Variants in PLCB1 observed in about 807,000 individuals in gnomAD.
The protein encoded by PLCB1 is 1-phosphatidylinositol 4,5-bisphosphate phosphodiesterase beta-1.
PLCB1 carries 46 observed loss-of-function variants against 161.8 expected under a neutral mutation model. The observed-to-expected ratio is 0.28, with a 90% CI of 0.22 to 0.36. PLCB1 has a LOEUF of 0.36. Among genes scored for constraint, PLCB1 ranks in the 10% least tolerant of loss-of-function variants. PLCB1 has a pLI of 1.00. For synonymous variants in PLCB1, 517 were observed against 503.7 expected (o/e 1.03, Z -0.35); for missense variants, 1,016 against 1,472.5 (o/e 0.69, Z 5.07).
chr20:8,763,197 A>T (rs1430414807), intron 25 of PLCB1, among the ~76,000 whole-genome samples: 1 of 152,172 alleles, frequency 6.6e-6, no homozygotes, highest in Non-Finnish European at 1.5e-5. Flanking sequence ...TCAGTAAAAT[A>T]CAGATTAGTT....
intron 2 of PLCB1, among the ~76,000 whole-genome samples, chr20:8,332,726 C>G (rs1288543584): frequency 6.6e-6 from 1 of 152,196 alleles, no homozygotes; most frequent in African/African-American, 2.4e-5. Flanking sequence ...ATGGTGCTCC[C>G]TACCTGGCTT....
At position 8,138,415 on chromosome 20, in the gene PLCB1, G is replaced by C. The variant is rs1258674945; in HGVS notation, c.99+5665G>C. ...AATGGAAGGGGATTGCTGGTGAATT[G>C]TTGACTAACGCTATGGGTCTCCACT... is the stretch of plus-strand genomic sequence containing the variant. On this transcript the variant is annotated intron_variant, in intron 1 of 31. Coordinates refer to ENST00000338037, the MANE Select transcript of PLCB1 (RefSeq NM_015192.4). Among the ~76,000 whole-genome samples, 7 of 152,306 alleles carry C rather than the reference G, an allele frequency of 4.6e-5. No homozygotes were observed. The East Asian group carries it at 9.6e-4, about 21-fold the overall frequency.
rs769156063 is a variant in PLCB1 at position 8,257,729 on chromosome 20, G to A, written c.177+107358G>A. On this transcript the variant is annotated intron_variant, in intron 2 of 31. Transcript: ENST00000338037. ...AACTCTCACTGTCAACACTACAGTT[G>A]GTTTCTATTCCAACCTTCATGAATT... Among the ~76,000 whole-genome samples, 140 of 152,082 alleles carry A rather than the reference G, an allele frequency of 9.2e-4. 1 individual carries two copies. Among genetic ancestry groups the A allele is most frequent in the Non-Finnish European group, 1.2e-3 (82 of 68,010 alleles).
At chr20:8,660,697 G>A (rs1600232275) in intron 9 of PLCB1, among the ~76,000 whole-genome samples, 1 of 152,218 alleles carries the variant, frequency 6.6e-6, no homozygotes, top group African/African-American at 2.4e-5. Context: ...CCTAGCATTT[G>A]CAAAATTATT....
intron 3 of PLCB1, among the ~76,000 whole-genome samples, chr20:8,475,681 A>G (rs909019135): frequency 2.0e-5 from 3 of 152,194 alleles, no homozygotes; most frequent in Non-Finnish European, 4.4e-5. Context: ...TTCACTTCAC[A>G]TGGACTATTT....
chr20:8,515,228 T>A (rs976044077), intron 3 of PLCB1, among the ~76,000 whole-genome samples: 8 of 152,256 alleles, frequency 5.3e-5, no homozygotes, highest in Non-Finnish European at 1.0e-4. Flanking sequence ...CTGGCTATAA[T>A]AGCCCTTCAA....
intron 31 of PLCB1, chr20:8,802,214 G>T: frequency 2.0e-6 from 2 of 1,022,814 alleles, no homozygotes; most frequent in East Asian, 2.4e-5. Context: ...GAGAAGGGTG[G>T]TGTGTAGCCA....
intron 12 of PLCB1, chr20:8,716,018 C>T (rs1300568368): frequency 1.8e-5 from 8 of 436,024 alleles, no homozygotes; most frequent in African/African-American, 3.9e-5. Flanking sequence ...CATGCTGTCC[C>T]CTCCACCTAT....
At chr20:8,577,003 T>C (rs1380342349) in intron 3 of PLCB1, among the ~76,000 whole-genome samples, 1 of 151,876 alleles carries the variant, frequency 6.6e-6, no homozygotes, top group East Asian at 1.9e-4. Flanking sequence ...AGCCAGGTCA[T>C]GAAAAGGGAG....
At chr20:8,240,093 C>T (rs1028487759) in intron 2 of PLCB1, among the ~76,000 whole-genome samples, 6 of 151,754 alleles carry the variant, frequency 4.0e-5, no homozygotes, top group African/African-American at 1.5e-4. Context: ...ATTACTTAGA[C>T]TATGCCTCTG....
In PLCB1 at chr20:8,254,590, A is replaced by G. The variant is rs530360896; in HGVS notation, c.177+104219A>G. Among the ~76,000 whole-genome samples the G allele has an allele frequency of 2.0e-5, 3 of 152,090 alleles. No homozygotes were observed. The East Asian group carries it at 5.8e-4, about 30-fold the overall frequency. ...AAGAAAAAAAAAGGCTTTTCTTCAT[A>G]TAAAGGCTTATGTAATATACAGGCT... On this transcript the variant is annotated intron_variant, in intron 2 of 31. Transcript: ENST00000338037.
At position 8,817,224 on chromosome 20, in the gene PLCB1, G is replaced by A. The variant is rs377592857; in HGVS notation, c.3423+26963G>A. On this transcript the variant is annotated intron_variant, in intron 31 of 31. Transcript: ENST00000338037. The stretch of plus-strand genomic sequence containing the variant: ...TTAAAATATGTTTAAATGCATCAAT[G>A]AATGGGAAAAAAGTAGAGAACGCTC... Among the ~76,000 whole-genome samples the A allele has an allele frequency of 9.3e-4, 141 of 152,276 alleles. 1 individual carries two copies. The highest frequency in any genetic ancestry group is 3.2e-3 in the African/African-American group (133 of 41,574).
chr20:8,792,235 G>C (rs569409584), intron 31 of PLCB1: 103 of 180,332 alleles, frequency 5.7e-4, no homozygotes, highest in Non-Finnish European at 1.1e-3. Flanking sequence ...CCTCTAGCTG[G>C]TGTTTCCTCA....
At chr20:8,797,145 C>G (rs1984066625) in intron 31 of PLCB1, among the ~76,000 whole-genome samples, 1 of 152,120 alleles carries the variant, frequency 6.6e-6, no homozygotes, top group South Asian at 2.1e-4. Flanking sequence ...AGATAAACTT[C>G]CACCACCCTC....
intron 9 of PLCB1, among the ~76,000 whole-genome samples, chr20:8,673,592 A>C (rs1990002112): frequency 6.6e-6 from 1 of 152,038 alleles, no homozygotes; most frequent in African/African-American, 2.4e-5. Context: ...CTGTTCTGTG[A>C]GCTGTTCATT....
intron 2 of PLCB1, among the ~76,000 whole-genome samples, chr20:8,346,525 A>G (rs1377563227): frequency 2.0e-5 from 3 of 152,290 alleles, no homozygotes; most frequent in Middle Eastern, 6.8e-3. Flanking sequence ...CTCACATTGT[A>G]CCTTTTCTCA....
intron 29 of PLCB1, 120 bp downstream of exon 29, chr20:8,788,842 GC>G (rs1983616538): frequency 1.5e-6 from 1 of 653,326 alleles, no homozygotes; most frequent in Non-Finnish European, 2.6e-6. Flanking sequence ...CCTCTAGTCA[GC>G]CTTTCAAAAG....
chr20:8,304,199 T>C (rs1320118882), intron 2 of PLCB1, among the ~76,000 whole-genome samples: 2 of 152,142 alleles, frequency 1.3e-5, no homozygotes, highest in Admixed American at 1.3e-4. Flanking sequence ...TTATGGAGAA[T>C]CTGTCTATTT....
At chr20:8,540,433 G>A (rs760039483) in intron 3 of PLCB1, among the ~76,000 whole-genome samples, 3 of 151,948 alleles carry the variant, frequency 2.0e-5, no homozygotes, top group Non-Finnish European at 4.4e-5. Flanking sequence ...TCACAACATG[G>A]GTACATCTTG....
Sources: gnomAD v4.1 joint callset for allele counts (sites outside exome capture counted in the v4.1 genomes callset) on GRCh38, gnomAD v4.1.1 for gene constraint, MANE v1.5 for transcripts, NCBI Gene and HGNC (gene_info 2026-07-23, HGNC 2026-07-21) for gene names.